TRIM24: variants seen among roughly 807,000 people sequenced by gnomAD.
TRIM24 encodes the protein tripartite motif containing 24, also known as transcription intermediary factor 1-alpha.
TRIM24 carries 29 observed loss-of-function variants against 123.9 expected under a neutral mutation model. That is an observed-to-expected ratio of 0.23 (90% confidence interval 0.17 to 0.32). TRIM24 has a LOEUF of 0.32. Ranked by LOEUF, TRIM24 falls within the 10% of genes least tolerant of loss-of-function variation. TRIM24 has a pLI of 1.00. For missense variants in TRIM24, 932 were observed against 1,295.3 expected, an observed-to-expected ratio of 0.72 and a Z score of 4.31; for synonymous variants, 456 against 461.1, an observed-to-expected ratio of 0.99 and a Z score of 0.14.
At chr7:138,493,985 T>C (rs1795849981) in intron 1 of TRIM24, among the ~76,000 whole-genome samples, 1 of 152,080 alleles carries the variant, frequency 6.6e-6, no homozygotes, top group South Asian at 2.1e-4. Flanking sequence ...GTTGTTATTA[T>C]TATTATTATT....
chr7:138,487,702 A>G (rs1795679172), intron 1 of TRIM24, among the ~76,000 whole-genome samples: 1 of 152,232 alleles, frequency 6.6e-6, no homozygotes, highest in East Asian at 1.9e-4. Flanking sequence ...AGCCCACTTG[A>G]TCTTGGTGAA....
intron 1 of TRIM24, among the ~76,000 whole-genome samples, chr7:138,487,556 G>T (rs558045389): frequency 1.2e-4 from 18 of 152,210 alleles, no homozygotes; most frequent in African/African-American, 4.1e-4. Flanking sequence ...TAGCATGAAG[G>T]GCTGTTGAAT....
chr7:138,526,134 T>TA (rs1203379542), intron 5 of TRIM24, among the ~76,000 whole-genome samples: 1 of 152,228 alleles, frequency 6.6e-6, no homozygotes, highest in Non-Finnish European at 1.5e-5. Context: ...TGAGCCAGCG[T>TA]AAAAGAGACC....
intron 2 of TRIM24, chr7:138,514,957 T>A: frequency 3.0e-6 from 1 of 333,404 alleles, no homozygotes; most frequent in East Asian, 4.6e-5. Flanking sequence ...CCTAGCATAA[T>A]GTTTGGGAAA....
At position 138,588,545 on chromosome 7, in the gene TRIM24, C is replaced by A. The variant is rs1460654191; in HGVS notation, c.*3594C>A. ...TGAAACCCCATCTCTACTAAAAATA[C>A]CAAAATCACCAGGGTGTGGTGGCCC... is the stretch of plus-strand genomic sequence containing the variant. On this transcript the variant is annotated 3_prime_UTR_variant, in exon 19 of 19. Coordinates refer to ENST00000343526, the MANE Select transcript of TRIM24 (RefSeq NM_015905.3). 2.6e-5 allele frequency: 4 copies of A among 151,296 alleles called. No individual in the cohort carries two copies. Among genetic ancestry groups the A allele is most frequent in the Non-Finnish European group, 5.9e-5 (4 of 68,110 alleles). The allele number at this position is 151,296 out of a possible 1,614,324, so 9.4% of individuals were successfully genotyped here.
chr7:138,513,940 A>C (rs575041327), intron 2 of TRIM24, among the ~76,000 whole-genome samples: 1 of 152,194 alleles, frequency 6.6e-6, no homozygotes, highest in African/African-American at 2.4e-5. Flanking sequence ...AGTAGATGAG[A>C]TCAATCCCTA....
chr7:138,505,309 T>C (rs1796127867), intron 2 of TRIM24, among the ~76,000 whole-genome samples: 1 of 152,246 alleles, frequency 6.6e-6, no homozygotes. Context: ...TTCATTTCTT[T>C]GTACTTTTAC....
intron 1 of TRIM24, among the ~76,000 whole-genome samples, chr7:138,500,833 G>T (rs908059614): frequency 6.6e-6 from 1 of 152,062 alleles, no homozygotes. Context: ...AGAGAATATG[G>T]TACAGCCTGT....
intron 6 of TRIM24, among the ~76,000 whole-genome samples, chr7:138,532,406 AG>A (rs1428154289): frequency 4.6e-5 from 7 of 152,182 alleles, no homozygotes; most frequent in Non-Finnish European, 1.0e-4. Context: ...GGTGTAAGGA[AG>A]GGATCCAGTT....
intron 1 of TRIM24, among the ~76,000 whole-genome samples, chr7:138,480,913 G>GA (rs1276396926): frequency 6.6e-6 from 1 of 152,030 alleles, no homozygotes; most frequent in Non-Finnish European, 1.5e-5. Context: ...CAGCTATTGT[G>GA]AAGCACTTGT....
rs547417923 is a variant in TRIM24, at chr7:138,501,397, A to T, written c.365-2893A>T. Among the ~76,000 whole-genome samples, 554 of 151,842 alleles carry T rather than the reference A, an allele frequency of 3.6e-3. 5 individuals carry two copies. Among genetic ancestry groups the T allele is most frequent in the Middle Eastern group, 0.017 (5 of 294 alleles). On this transcript the variant is annotated intron_variant, in intron 1 of 18. Coordinates refer to ENST00000343526, the MANE Select transcript of TRIM24 (RefSeq NM_015905.3). ...AGGCACATGCCACTGCACCCGGCCA[A>T]TTTGTGTATTTTTAGTAGAGACGGG... is the stretch of plus-strand genomic sequence containing the variant.
rs921124320 is a variant in TRIM24, at chr7:138,460,276, C to A, written c.-273C>A. On this transcript the variant is annotated 5_prime_UTR_variant, in exon 1 of 19. Coordinates refer to ENST00000343526, the MANE Select transcript of TRIM24 (RefSeq NM_015905.3). Reference sequence around the variant, plus strand: ...GGCTGGGCGTATTCCACGAGCGCCTCGGCGGTTGGCGAAGCGGACGGGGTG... The same window carrying A: ...GGCTGGGCGTATTCCACGAGCGCCTAGGCGGTTGGCGAAGCGGACGGGGTG... 12 of 365,284 alleles carry A rather than the reference C, an allele frequency of 3.3e-5. No homozygotes were observed. The highest frequency in any genetic ancestry group is 4.4e-5 in the Non-Finnish European group (9 of 205,272). The allele number at this position is 365,284 out of a possible 1,614,324, so 22.6% of individuals were successfully genotyped here.
chr7:138,479,603 C>T (rs1206094157), intron 1 of TRIM24, among the ~76,000 whole-genome samples: 1 of 151,928 alleles, frequency 6.6e-6, no homozygotes, highest in African/African-American at 2.4e-5. Context: ...ATCTCTGCCT[C>T]CTGGGTTCAA....
intron 1 of TRIM24, among the ~76,000 whole-genome samples, chr7:138,478,178 G>A (rs1299347583): frequency 6.6e-6 from 1 of 152,112 alleles, no homozygotes; most frequent in African/African-American, 2.4e-5. Flanking sequence ...AGGATAAGGA[G>A]GGAAAGATTT....
chr7:138,555,383 TAGAAA>T (rs1386275011), intron 9 of TRIM24, among the ~76,000 whole-genome samples: 3 of 152,082 alleles, frequency 2.0e-5, no homozygotes, highest in Non-Finnish European at 4.4e-5. Context: ...CAGAGTGAAA[TAGAAA>T]AGGGCAGAAG....
At chr7:138,574,586 A>G (rs999329551) in intron 12 of TRIM24, among the ~76,000 whole-genome samples, 1 of 152,210 alleles carries the variant, frequency 6.6e-6, no homozygotes, top group African/African-American at 2.4e-5. Context: ...CATTCTTACT[A>G]GTGGTCATAA....
intron 6 of TRIM24, among the ~76,000 whole-genome samples, chr7:138,530,635 ATT>A (rs112561681): frequency 6.9e-6 from 1 of 143,922 alleles, no homozygotes. Context: ...CCTGGCTAAT[ATT>A]TTTTTTTTTT....
intron 7 of TRIM24, among the ~76,000 whole-genome samples, chr7:138,544,332 T>A (rs1584730735): frequency 6.6e-6 from 1 of 152,228 alleles, no homozygotes; most frequent in Non-Finnish European, 1.5e-5. Flanking sequence ...TCATCCTTGT[T>A]ATCACAAATA....
At chr7:138,576,690 T>A (rs1017133939) in intron 13 of TRIM24, among the ~76,000 whole-genome samples, 2 of 152,172 alleles carry the variant, frequency 1.3e-5, no homozygotes, top group African/African-American at 4.8e-5. Context: ...GATATTCATA[T>A]AATAGCAAAG....
Sources: gnomAD v4.1 joint callset for allele counts (sites outside exome capture counted in the v4.1 genomes callset) on GRCh38, gnomAD v4.1.1 for gene constraint, MANE v1.5 for transcripts, NCBI Gene and HGNC (gene_info 2026-07-23, HGNC 2026-07-21) for gene names.